Variants in ZDHHC11 observed in about 807,000 individuals in gnomAD.
ZDHHC11 encodes palmitoyltransferase ZDHHC11.
In ZDHHC11, 44 loss-of-function variants were observed where a neutral mutation model predicts 51.3. The observed-to-expected ratio is 0.86, with a 90% CI of 0.67 to 1.10. The LOEUF (loss-of-function observed/expected upper bound fraction) is 1.10. ZDHHC11 is among the 50% of genes least tolerant of loss of function. The probability of loss-of-function intolerance (pLI) is 0.00; values close to 1 mark genes in which losing one functional copy is unlikely to be tolerated. For missense variants in ZDHHC11, 400 were observed against 537.7 expected, an observed-to-expected ratio of 0.74 and a Z score of 2.53; for synonymous variants, 163 against 222.0, an observed-to-expected ratio of 0.73 and a Z score of 2.36.
upstream of ZDHHC11, among the ~76,000 whole-genome samples, chr5:855,075 G>T (rs1212847092): frequency 6.7e-6 from 1 of 148,218 alleles, no homozygotes; most frequent in Non-Finnish European, 1.5e-5. Flanking sequence ...ACCCCACAGA[G>T]GACAGCGAGC....
intron 4 of ZDHHC11, chr5:842,207 T>A: frequency 1.0e-6 from 1 of 985,874 alleles, no homozygotes; most frequent in Non-Finnish European, 1.2e-6. Context: ...ACATGCCATC[T>A]TGGCCACCTC....
chr5:856,204 C>T (rs1012502532), intron 1 of ZDHHC11, among the ~76,000 whole-genome samples: 14 of 151,850 alleles, frequency 9.2e-5, no homozygotes, highest in African/African-American at 3.4e-4. Flanking sequence ...CCACACACCA[C>T]ACAACACAGA....
At chr5:836,198 G>C (rs1254691427) in intron 6 of ZDHHC11, among the ~76,000 whole-genome samples, 6 of 150,048 alleles carry the variant, frequency 4.0e-5, no homozygotes, top group African/African-American at 1.5e-4. Context: ...TCATTCCTAG[G>C]TCACTGAGAT....
rs748340414 is a variant in ZDHHC11, at chr5:833,821, GA to G, written c.901-15del. 1 of 1,560,926 alleles carries G rather than the reference GA, an allele frequency of 6.4e-7. No homozygotes were observed. The highest frequency in any genetic ancestry group is 1.1e-5 in the South Asian group (1 of 88,270). Reference sequence around the variant, plus strand: ...GCCAGCTCCTTGCTGTGGGGCAAAAGAAAATTCGTCACATGAAAAAAGAAGT... The same window carrying G: ...GCCAGCTCCTTGCTGTGGGGCAAAAGAAATTCGTCACATGAAAAAAGAAGT... On this transcript the variant is annotated splice_polypyrimidine_tract_variant and intron_variant, in intron 6 of 12. Coordinates refer to ENST00000283441, the MANE Select transcript of ZDHHC11 (RefSeq NM_024786.3).
intron 4 of ZDHHC11, 165 bp from the exon 5 acceptor site, chr5:840,815 T>C: frequency 6.7e-7 from 1 of 1,491,758 alleles, no homozygotes; most frequent in Non-Finnish European, 9.0e-7. Flanking sequence ...GAGTGCCCCG[T>C]AGGCCCTGCT....
intron 6 of ZDHHC11, among the ~76,000 whole-genome samples, chr5:834,516 TTTTG>T (rs368973324): frequency 1.8e-4 from 25 of 142,092 alleles, no homozygotes; most frequent in Non-Finnish European, 3.3e-4. Flanking sequence ...TTGTTTATGT[TTTTG>T]TTTGTTGTTT....
chr5:797,190 C>G lies in ZDHHC11; in HGVS notation c.*8-610G>C, dbSNP rs1737709727. On this transcript the variant is annotated intron_variant, in intron 12 of 12. Transcript: ENST00000283441. ...CCACTGCACTCCAGCCTGGGTGACA[C>G]AGCGAGACTCTGTCTAAATACATAT... 2.0e-5 allele frequency among the ~76,000 whole-genome samples: 3 copies of G among 150,534 alleles called. No individual in the cohort carries two copies. In the South Asian group the frequency reaches 6.3e-4, roughly 32 times the overall value.
At chr5:799,846 A>G (rs1276695090) in intron 12 of ZDHHC11, among the ~76,000 whole-genome samples, 1 of 151,436 alleles carries the variant, frequency 6.6e-6, no homozygotes, top group Non-Finnish European at 1.5e-5. Flanking sequence ...GTTTCTTGCA[A>G]TCTTTCCACA....
At chr5:845,422 G>A (rs1406058529) in intron 3 of ZDHHC11, among the ~76,000 whole-genome samples, 12 of 149,734 alleles carry the variant, frequency 8.0e-5, no homozygotes, top group African/African-American at 2.6e-4. Context: ...CCATTCACGC[G>A]GGGCCTCCTC....
At position 841,258 on chromosome 5, in the gene ZDHHC11, C is replaced by G. The variant is rs12514218; in HGVS notation, c.629-608G>C. ...GCCGGGCCCCAGCACCCATCCTTTC[C>G]TAAGTGCCAGGGCCCCAGCACCCAC... On this transcript the variant is annotated intron_variant, in intron 4 of 12. Coordinates refer to ENST00000283441, the MANE Select transcript of ZDHHC11 (RefSeq NM_024786.3). 55 of 1,027,354 alleles carry G rather than the reference C, an allele frequency of 5.4e-5. No individual in the cohort carries two copies. In the East Asian group the frequency reaches 2.2e-3, roughly 41 times the overall value. The allele number at this position is 1,027,354 out of a possible 1,614,324, so 63.6% of individuals were successfully genotyped here.
At chr5:801,033 T>C (rs1231928804) in intron 12 of ZDHHC11, 67 bp downstream of exon 12, 13 of 1,581,160 alleles carry the variant, frequency 8.2e-6, no homozygotes, top group African/African-American at 1.3e-5. Context: ...TTAAAGAAGA[T>C]ATTTCACTCT....
chr5:858,818 C>G (rs1010520286), intron 1 of ZDHHC11, among the ~76,000 whole-genome samples: 4 of 151,968 alleles, frequency 2.6e-5, no homozygotes, highest in Admixed American at 1.3e-4. Context: ...TTCAGGAGTG[C>G]AGGGATTGCA....
In ZDHHC11 at chr5:850,838, C is replaced by T. The variant is rs865840901; in HGVS notation, c.-236G>A. On this transcript the variant is annotated 5_prime_UTR_variant, in exon 1 of 13. Coordinates refer to ENST00000283441, the MANE Select transcript of ZDHHC11 (RefSeq NM_024786.3). Reference sequence around the variant, plus strand: ...GACATGCTGCAGAATGTGACCCCGGCCAGAGCCGAGTGGCAACGGAAAACG... The same window carrying T: ...GACATGCTGCAGAATGTGACCCCGGTCAGAGCCGAGTGGCAACGGAAAACG... The T allele has an allele frequency of 4.5e-5, 27 of 596,840 alleles. No individual in the cohort carries two copies. In the South Asian group the frequency reaches 4.6e-4, roughly 10 times the overall value. The allele number at this position is 596,840 out of a possible 1,614,324, so 37.0% of individuals were successfully genotyped here. A position where few individuals can be genotyped will look rare whatever the true frequency, so the allele number is the denominator to read the frequency against.
At chr5:822,427 G>A (rs1396469456) in intron 8 of ZDHHC11, among the ~76,000 whole-genome samples, 3 of 151,516 alleles carry the variant, frequency 2.0e-5, no homozygotes, top group Non-Finnish European at 3.0e-5. Context: ...CCCCATCCAT[G>A]GTTCCTGCTT....
rs191757590 is a variant in ZDHHC11, at chr5:814,800, G to T, written c.1147-5C>A. ...ACTCGGGGCATCATCTGCTTCCTGT[G>T]GGGGGAAGGGATGCAAAATTCATAG... On this transcript the variant is annotated splice_region_variant and splice_polypyrimidine_tract_variant and intron_variant, in intron 10 of 12. Transcript: ENST00000283441. The T allele has an allele frequency of 2.4e-4, 365 of 1,539,072 alleles. 12 individuals carry two copies. In the Middle Eastern group the frequency reaches 0.012, roughly 53 times the overall value.
chr5:838,382 C>T (rs531779786), intron 5 of ZDHHC11, among the ~76,000 whole-genome samples: 322 of 152,222 alleles, frequency 2.1e-3, no homozygotes, highest in Non-Finnish European at 3.7e-3. Flanking sequence ...ACACCAACAC[C>T]GTGAGAGCCG....
At chr5:818,788 G>T (rs567841543) in intron 10 of ZDHHC11, among the ~76,000 whole-genome samples, 10 of 151,616 alleles carry the variant, frequency 6.6e-5, no homozygotes, top group African/African-American at 2.4e-4. Flanking sequence ...TTGAGCCCAG[G>T]AGGTGGAGGC....
intron 11 of ZDHHC11, among the ~76,000 whole-genome samples, chr5:807,919 G>A (rs564843002): frequency 3.7e-3 from 552 of 150,234 alleles, no homozygotes; most frequent in Non-Finnish European, 5.3e-3. Flanking sequence ...TGCCTCTGGG[G>A]GATATCAGAG....
Position 847,530 on chromosome 5 carries a change from C to A in ZDHHC11, c.487G>T (p.Gly163Ter). Reference sequence around the variant, plus strand: ...GCCCCTCACCAATAATTCCGGCTTCCCACGCAGTTGTTGATCCATTTGCAG... The same window carrying A: ...GCCCCTCACCAATAATTCCGGCTTCACACGCAGTTGTTGATCCATTTGCAG... Reference protein sequence around the residue: ...HHCKWINNCVGSRNYWFFFST... With the variant: ...HHCKWINNCV Residue 163 changes from glycine to a stop codon, truncating the protein, a stop_gained, in exon 3 of 13, where the codon GGA (glycine) becomes TGA (stop). Transcript: ENST00000283441. LOFTEE classifies it high-confidence loss of function. The A allele has an allele frequency of 1.5e-6, 2 of 1,339,248 alleles. No individual in the cohort carries two copies. The highest frequency in any genetic ancestry group is 2.1e-6 in the Non-Finnish European group (2 of 962,444). 83.0% of individuals were successfully genotyped at this position (1,339,248 alleles called of 1,614,324 possible).
Sources: allele counts gnomAD v4.1 joint callset (sites outside exome capture counted in the v4.1 genomes callset), GRCh38; gene constraint gnomAD v4.1.1; transcripts MANE v1.5; gene names NCBI Gene and HGNC (gene_info 2026-07-23, HGNC 2026-07-21).